The following KIF5B variants were observed in gnomAD, a reference collection of about 807,000 sequenced individuals.
KIF5B encodes kinesin-1 heavy chain.
KIF5B carries 49 observed loss-of-function variants against 132.8 expected under a neutral mutation model. The observed-to-expected ratio is 0.37, with a 90% CI of 0.29 to 0.47. KIF5B has a LOEUF of 0.47. Ranked by LOEUF, KIF5B falls within the 20% of genes least tolerant of loss-of-function variation. The pLI is 1.00. For synonymous variants in KIF5B, 355 were observed against 369.4 expected (o/e 0.96, Z 0.45); for missense variants, 780 against 1,144.0 (o/e 0.68, Z 4.59).
chr10:32,015,586 T>C lies in KIF5B; in HGVS notation c.2835A>G (p.Ala945=). 6.2e-7 allele frequency: 1 copy of C among 1,613,952 alleles called. No homozygotes were observed. Among genetic ancestry groups the C allele is most frequent in the Non-Finnish European group, 8.5e-7 (1 of 1,179,880 alleles). Reference sequence around the variant, plus strand: ...CCACTGGCTGGCTGTTCTGAACAAATGCACCTCCTCCACGAATTGCACTTG... The same window carrying C: ...CCACTGGCTGGCTGTTCTGAACAAACGCACCTCCTCCACGAATTGCACTTG... ...THPSAIRGGG[A]FVQNSQPVAV... Residue 945 remains alanine (A), a synonymous_variant, in exon 25 of 26, where the codon GCA becomes GCG. Transcript: ENST00000302418.
chr10:32,038,149 T>G lies in KIF5B; in HGVS notation c.498+14A>C, dbSNP rs1841485289. On this transcript the variant is annotated intron_variant, in intron 6 of 25. Coordinates refer to ENST00000302418, the MANE Select transcript of KIF5B (RefSeq NM_004521.3). The stretch of plus-strand genomic sequence containing the variant: ...AGTATTACAGGGTTTTCTAGACAAC[T>G]GTACTATAAATACCTTTACATAGGG... 6.6e-7 allele frequency: 1 copy of G among 1,513,682 alleles called. No individual in the cohort carries two copies. Among genetic ancestry groups the G allele is most frequent in the South Asian group, 1.2e-5 (1 of 84,238 alleles). The allele number at this position is 1,513,682 out of a possible 1,614,324, so 93.8% of individuals were successfully genotyped here. A position where few individuals can be genotyped will look rare whatever the true frequency, so the allele number is the denominator to read the frequency against.
At chr10:32,036,139 C>A in intron 8 of KIF5B, 145 bp from the exon 9 acceptor site, 1 of 508,886 alleles carries the variant, frequency 2.0e-6, no homozygotes, top group Non-Finnish European at 3.4e-6. Flanking sequence ...GCCAAGCATA[C>A]CACCATTTCT....
At chr10:32,040,602 C>T (rs1374559292) in intron 2 of KIF5B, 145 bp from the exon 3 acceptor site, 1 of 567,630 alleles carries the variant, frequency 1.8e-6, no homozygotes, top group Admixed American at 3.0e-5. Flanking sequence ...ATGTTTATTC[C>T]TAGTGAGGTA....
At chr10:32,032,091 T>C (rs1841410350) in intron 13 of KIF5B, among the ~76,000 whole-genome samples, 1 of 151,704 alleles carries the variant, frequency 6.6e-6, no homozygotes, top group African/African-American at 2.4e-5. Flanking sequence ...ATCATCCACA[T>C]TAGTGGCTCT....
chr10:32,025,103 GA>G (rs887401825), intron 15 of KIF5B, among the ~76,000 whole-genome samples: 1 of 152,004 alleles, frequency 6.6e-6, no homozygotes, highest in Non-Finnish European at 1.5e-5. Flanking sequence ...TCAACAATAA[GA>G]AAAAACACAA....
In KIF5B at chr10:32,019,921, C is replaced by T; in HGVS notation, c.2243G>A (p.Arg748Lys). Reference protein sequence around the residue: ...QKMMLEQERLRVEHEKLKATD... With the variant: ...QKMMLEQERLKVEHEKLKATD... ...GGCTTTCAACTTCTCATGTTCTACT[C>T]TTAGACGTTCCTGCTCTAACATCAT... The change falls in exon 20 of 26, where the codon AGA (arginine) becomes AAA (lysine). Residue 748 changes from arginine (R) to lysine (K), a missense_variant. Transcript: ENST00000302418. 1 of 1,612,618 alleles carries T rather than the reference C, an allele frequency of 6.2e-7. No individual in the cohort carries two copies. Among genetic ancestry groups the T allele is most frequent in the Non-Finnish European group, 8.5e-7 (1 of 1,179,566 alleles).
rs189214757 is a variant in KIF5B at position 32,017,463 on chromosome 10, T to C, written c.2545-104A>G. On this transcript the variant is annotated intron_variant, in intron 23 of 25. Transcript: ENST00000302418. Reference sequence around the variant, plus strand: ...TTTAGAAAAGTAAAACTGCATTTTATATTGTTTCCCATTTATCTAATTTAG... The same window carrying C: ...TTTAGAAAAGTAAAACTGCATTTTACATTGTTTCCCATTTATCTAATTTAG... The C allele has an allele frequency of 4.1e-5, 35 of 846,196 alleles. No homozygotes were observed. The Admixed American group carries it at 6.6e-4, about 16-fold the overall frequency. 52.4% of individuals were successfully genotyped at this position (846,196 alleles called of 1,614,324 possible).
chr10:32,027,956 AC>A (rs1841354186), intron 15 of KIF5B, among the ~76,000 whole-genome samples: 2 of 151,708 alleles, frequency 1.3e-5, no homozygotes, highest in Admixed American at 1.3e-4. Context: ...AAATTTATTA[AC>A]GTAATTTTTA....
chr10:32,055,522 A>G (rs1490319037), intron 1 of KIF5B, among the ~76,000 whole-genome samples: 1 of 149,234 alleles, frequency 6.7e-6, no homozygotes, highest in Non-Finnish European at 1.5e-5. Flanking sequence ...GTAATTGCAC[A>G]CACACACACA....
rs1013215387 is a variant in KIF5B at position 32,031,769 on chromosome 10, C to T, written c.1375-490G>A. On this transcript the variant is annotated intron_variant, in intron 13 of 25. Transcript: ENST00000302418. ...ATCCCAGCATTTTGGGAGGCCGAGG[C>T]GGGCGGATCACAAGGTCAGGAGTTT... Among the ~76,000 whole-genome samples the T allele has an allele frequency of 3.3e-5, 5 of 149,788 alleles. No individual in the cohort carries two copies. In the East Asian group the frequency reaches 5.9e-4, roughly 18 times the overall value.
intron 24 of KIF5B, among the ~76,000 whole-genome samples, chr10:32,016,518 T>TTTTGTTTGTTTG (rs199792200): frequency 6.6e-6 from 1 of 151,810 alleles, no homozygotes; most frequent in African/African-American, 2.4e-5. Flanking sequence ...CTGCACCAAT[T>TTTTGTTTGTTTG]TTTGTTTGTT....
intron 1 of KIF5B, among the ~76,000 whole-genome samples, chr10:32,052,802 T>C (rs769488147): frequency 6.6e-6 from 1 of 152,220 alleles, no homozygotes; most frequent in Non-Finnish European, 1.5e-5. Flanking sequence ...TTATAGCACT[T>C]CACCAAGCAC....
At chr10:32,041,243 G>A (rs148401730) in intron 2 of KIF5B, among the ~76,000 whole-genome samples, 90 of 151,506 alleles carry the variant, frequency 5.9e-4, no homozygotes, top group African/African-American at 2.1e-3. Context: ...TCAAAGTTTA[G>A]TACATAAAGG....
chr10:32,011,973 T>A (rs1841089587), intron 25 of KIF5B, among the ~76,000 whole-genome samples: 1 of 151,926 alleles, frequency 6.6e-6, no homozygotes, highest in Non-Finnish European at 1.5e-5. Context: ...AAGAGGTGTA[T>A]ACAGTAGGAA....
chr10:32,034,159 G>T (rs2085467293), intron 11 of KIF5B, 121 bp from the exon 12 acceptor site: 1 of 596,128 alleles, frequency 1.7e-6, no homozygotes, highest in Non-Finnish European at 2.8e-6. Context: ...CACCCTGGCT[G>T]GAGTGCAGTG....
At chr10:32,015,787 C>A (rs2132576944) in intron 24 of KIF5B, 128 bp from the exon 25 acceptor site, 1 of 717,244 alleles carries the variant, frequency 1.4e-6, no homozygotes, top group Non-Finnish European at 2.2e-6. Flanking sequence ...TTTTGTTTCT[C>A]CATCACTTTT....
intron 1 of KIF5B, among the ~76,000 whole-genome samples, chr10:32,053,478 A>C (rs1257961006): frequency 6.6e-6 from 1 of 151,502 alleles, no homozygotes; most frequent in African/African-American, 2.4e-5. Context: ...TGATCCCAGC[A>C]CTTTGGGAGG....
intron 9 of KIF5B, 64 bp downstream of exon 9, chr10:32,035,826 T>C: frequency 1.5e-6 from 2 of 1,372,644 alleles, no homozygotes; most frequent in South Asian, 1.3e-5. Context: ...CAGGCACACA[T>C]ATACACCTAT....
In KIF5B at chr10:32,056,211, GCGGCGGCGGCAC is replaced by G; in HGVS notation, c.-250_-239del. 2.0e-6 allele frequency: 1 copy of G among 491,186 alleles called. No individual in the cohort carries two copies. The allele number at this position is 491,186 out of a possible 1,614,324, so 30.4% of individuals were successfully genotyped here. A position where few individuals can be genotyped will look rare whatever the true frequency, so the allele number is the denominator to read the frequency against. On this transcript the variant is annotated 5_prime_UTR_variant, in exon 1 of 26. Coordinates refer to ENST00000302418, the MANE Select transcript of KIF5B (RefSeq NM_004521.3). ...CATCATGGCAGCCATGGCGGCGGCAGCGGCGGCGGCACCGGGGAGAGCGTCCGCGGCTCCTCA... is the reference window on the plus strand; with the variant it reads ...CATCATGGCAGCCATGGCGGCGGCAGCGGGGAGAGCGTCCGCGGCTCCTCA...
Sources: allele counts gnomAD v4.1 joint callset (sites outside exome capture counted in the v4.1 genomes callset), GRCh38; gene constraint gnomAD v4.1.1; transcripts MANE v1.5; gene names NCBI Gene and HGNC (gene_info 2026-07-23, HGNC 2026-07-21).